KRABD3: variants seen among roughly 807,000 people sequenced by gnomAD.
KRABD3 encodes the protein KRAB domain containing 3.
At chr7:149,721,475 G>A in the KRABD3 span, 48 of 1,612,940 alleles carry the variant, frequency 3.0e-5, no homozygotes, top group East Asian at 3.8e-4. Flanking sequence ...CACGCCCACC[G>A]ACAGCTCGTG....
chr7:149,718,512 A>AC, the KRABD3 span, among the ~76,000 whole-genome samples: 1 of 99,778 alleles, frequency 1.0e-5, no homozygotes, highest in African/African-American at 3.4e-5. Context: ...CCACTGAAGG[A>AC]CTTTTTTTTT....
chr7:149,715,304 C>T, the KRABD3 span: 2 of 1,217,964 alleles, frequency 1.6e-6, no homozygotes, highest in Non-Finnish European at 1.0e-6. Context: ...TGGCTTGTTT[C>T]GTTACAAGTT....
chr7:149,728,354 C>T, the KRABD3 span, among the ~76,000 whole-genome samples: 17 of 152,348 alleles, frequency 1.1e-4, no homozygotes, highest in Admixed American at 7.2e-4. Context: ...GCTTCTTCCA[C>T]GGCAGCCAAA....
the KRABD3 span, chr7:149,730,442 C>A: frequency 6.3e-7 from 1 of 1,597,020 alleles, no homozygotes; most frequent in East Asian, 2.3e-5. Context: ...GGACCGCCTT[C>A]CCAGCTGTAA....
chr7:149,722,470 T>C, the KRABD3 span: 2 of 1,607,750 alleles, frequency 1.2e-6, no homozygotes, highest in Non-Finnish European at 1.7e-6. Flanking sequence ...CCAGGAGCCC[T>C]GGGCGGGGAG....
chr7:149,725,770 GAAA>G, the KRABD3 span: 3 of 1,020,332 alleles, frequency 2.9e-6, no homozygotes, highest in Non-Finnish European at 4.2e-6. Context: ...GTGCCACAGG[GAAA>G]CCCTAGTGGG....
At chr7:149,719,872 G>A in the KRABD3 span, 11 of 1,252,840 alleles carry the variant, frequency 8.8e-6, no homozygotes, top group South Asian at 4.8e-5. The surrounding 1 kb of genome is among the most constrained non-coding windows in gnomAD (Gnocchi z 5.6). Context: ...CTGAGGTTCC[G>A]ACCACTCTGC....
At chr7:149,731,512 G>T in the KRABD3 span, among the ~76,000 whole-genome samples, 32,916 of 152,206 alleles carry the variant, frequency 0.22, 5,172 homozygotes, top group African/African-American at 0.45. Context: ...GGCGGGCCCT[G>T]CCACCAGAAT....
chr7:149,731,526 G>A, the KRABD3 span: 59 of 694,258 alleles, frequency 8.5e-5, no homozygotes, highest in Non-Finnish European at 1.2e-4. Context: ...CCAGAATTAG[G>A]CTCCCTCATG....
chr7:149,730,602 C>T, the KRABD3 span: 5 of 1,600,590 alleles, frequency 3.1e-6, no homozygotes, highest in South Asian at 1.1e-5. Flanking sequence ...GGCGCCCATG[C>T]GTTCCCCAGA....
At chr7:149,724,924 C>G in the KRABD3 span, 1 of 1,283,916 alleles carries the variant, frequency 7.8e-7, no homozygotes, top group South Asian at 1.6e-5. Context: ...CCACTAACCC[C>G]AGGGAAGCAG....
chr7:149,724,938 T>A, the KRABD3 span: 25 of 1,152,910 alleles, frequency 2.2e-5, no homozygotes, highest in Non-Finnish European at 2.8e-5. Flanking sequence ...GAAGCAGCTC[T>A]CAGCAGGGAG....
At chr7:149,716,755 C>T in the KRABD3 span, among the ~76,000 whole-genome samples, 1 of 152,214 alleles carries the variant, frequency 6.6e-6, no homozygotes, top group Non-Finnish European at 1.5e-5. Flanking sequence ...TGGAAGAGCT[C>T]AGCTGGCAGG....
the KRABD3 span, chr7:149,725,740 G>A: frequency 3.8e-6 from 3 of 796,256 alleles, no homozygotes; most frequent in East Asian, 2.7e-5. Context: ...TGTGGGTCAC[G>A]TGCTATGGGA....
the KRABD3 span, among the ~76,000 whole-genome samples, chr7:149,727,201 C>T: frequency 6.6e-6 from 1 of 152,156 alleles, no homozygotes; most frequent in African/African-American, 2.4e-5. Flanking sequence ...GACACCACTC[C>T]CTCCGTGCTC....
chr7:149,728,273 C>T, the KRABD3 span, among the ~76,000 whole-genome samples: 3 of 152,204 alleles, frequency 2.0e-5, no homozygotes, highest in Non-Finnish European at 2.9e-5. Flanking sequence ...GGACTAGAGC[C>T]CACACCTGTG....
chr7:149,731,774 C>G, the KRABD3 span: 415 of 1,606,480 alleles, frequency 2.6e-4, no homozygotes, highest in Middle Eastern at 3.3e-4. Flanking sequence ...CCCAGAGTTG[C>G]AGGTGAACTG....
the KRABD3 span, chr7:149,721,324 G>C: frequency 6.5e-7 from 1 of 1,528,668 alleles, no homozygotes. Flanking sequence ...GAATGTGACA[G>C]TGTGACAATG....
the KRABD3 span, among the ~76,000 whole-genome samples, chr7:149,716,398 C>T: frequency 5.3e-5 from 8 of 152,160 alleles, no homozygotes; most frequent in Non-Finnish European, 1.2e-4. Flanking sequence ...AAGTGGGGCC[C>T]GAGGAGGAAG....
Sources: gnomAD v4.1 joint callset for allele counts (sites outside exome capture counted in the v4.1 genomes callset) on GRCh38, gnomAD v4.1.1 for gene constraint, Gnocchi (gnomAD v3.1) non-coding constraint, MANE v1.5 for transcripts, NCBI Gene and HGNC (gene_info 2026-07-23, HGNC 2026-07-21) for gene names.